TEKT5: variants seen among roughly 807,000 people sequenced by gnomAD.
TEKT5 encodes tektin-5.
Under a neutral mutation model 48.7 loss-of-function variants are expected in TEKT5, and 52 were observed. The observed-to-expected ratio is 1.07, with a 90% CI of 0.86 to 1.35. The LOEUF is 1.35. Among genes scored for constraint, TEKT5 ranks in the 40% most tolerant of loss-of-function variants. TEKT5 has a pLI of 0.00. For synonymous variants in TEKT5, 318 were observed against 267.6 expected, an observed-to-expected ratio of 1.19 and a Z score of -1.84; for missense variants, 831 against 641.6, an observed-to-expected ratio of 1.30 and a Z score of -3.19.
In TEKT5 at chr16:10,682,102, C is replaced by T. The variant is rs764380475; in HGVS notation, c.754G>A (p.Asp252Asn). Reference protein sequence around the residue: ...NRDAQHVLERDLEDKSSAQCI... With the variant: ...NRDAQHVLERNLEDKSSAQCI... ...TGGGCCGAGCTTTTGTCTTCGAGGTCCCTCTCCAGCACGTGCTGAGCATCC... is the reference window on the plus strand; with the variant it reads ...TGGGCCGAGCTTTTGTCTTCGAGGTTCCTCTCCAGCACGTGCTGAGCATCC... Residue 252 changes from aspartate to asparagine, a missense_variant, in exon 4 of 7, where the codon GAC (aspartate) becomes AAC (asparagine). Asp to Asn is a conservative substitution (Grantham distance 23). Transcript: ENST00000283025. The T allele has an allele frequency of 1.2e-6, 2 of 1,613,976 alleles. No individual in the cohort carries two copies. Among genetic ancestry groups the T allele is most frequent in the Admixed American group, 3.3e-5 (2 of 59,996 alleles).
chr16:10,670,408 A>G (rs968340754), intron 5 of TEKT5, among the ~76,000 whole-genome samples: 2 of 152,080 alleles, frequency 1.3e-5, no homozygotes, highest in African/African-American at 4.8e-5. Flanking sequence ...CTGCCCAGCT[A>G]CTCAGGAGGC....
chr16:10,632,523 T>C (rs1411653857), intron 6 of TEKT5, among the ~76,000 whole-genome samples: 3 of 152,142 alleles, frequency 2.0e-5, no homozygotes, highest in Admixed American at 2.0e-4. Context: ...CTCGAACTCC[T>C]GGCCTCATGT....
intron 1 of TEKT5, 44 bp downstream of exon 1, chr16:10,694,266 T>C: frequency 6.6e-7 from 1 of 1,506,122 alleles, no homozygotes; most frequent in Non-Finnish European, 8.9e-7. Flanking sequence ...GCGTGCAGTA[T>C]CCCCAGGACA....
chr16:10,689,941 C>A lies in TEKT5; in HGVS notation c.648+1G>T. ...CTGGGCAGAACCAGGAGATGCCTTA[C>A]CCGGATAAGGTTTTTCTCCACGTTG... is the stretch of plus-strand genomic sequence containing the variant. On this transcript the variant is annotated splice_donor_variant, in intron 2 of 6. Coordinates refer to ENST00000283025, the MANE Select transcript of TEKT5 (RefSeq NM_144674.2). LOFTEE classifies it high-confidence loss of function. The A allele has an allele frequency of 6.2e-7, 1 of 1,614,004 alleles. No individual in the cohort carries two copies. Among genetic ancestry groups the A allele is most frequent in the Non-Finnish European group, 8.5e-7 (1 of 1,179,978 alleles).
chr16:10,655,563 C>T (rs1161553701), intron 5 of TEKT5, among the ~76,000 whole-genome samples: 1 of 152,212 alleles, frequency 6.6e-6, no homozygotes, highest in Non-Finnish European at 1.5e-5. Flanking sequence ...TCCTCTTAAC[C>T]TGTGGAACAC....
At chr16:10,652,836 G>GACACACACAC (rs572998899) in intron 5 of TEKT5, among the ~76,000 whole-genome samples, 19 of 19,656 alleles carry the variant, frequency 9.7e-4, no homozygotes, top group African/African-American at 3.6e-3. Flanking sequence ...TACACAGGCA[G>GACACACACAC]ACACACACAC....
intron 4 of TEKT5, among the ~76,000 whole-genome samples, chr16:10,679,792 G>A (rs556175206): frequency 3.9e-5 from 6 of 152,288 alleles, no homozygotes; most frequent in African/African-American, 1.4e-4. Context: ...AGCTACTCAG[G>A]AGGCTGAGGC....
intron 5 of TEKT5, among the ~76,000 whole-genome samples, chr16:10,636,856 G>A (rs34535675): frequency 0.048 from 6,979 of 146,634 alleles, 319 homozygotes; most frequent in East Asian, 0.24. Flanking sequence ...TCGCTCTGTC[G>A]CCCAGGCTGG....
chr16:10,680,950 G>C (rs551246662), intron 4 of TEKT5, among the ~76,000 whole-genome samples: 3 of 148,558 alleles, frequency 2.0e-5, no homozygotes, highest in African/African-American at 7.4e-5. Context: ...CATGGCACAT[G>C]TATACATATG....
chr16:10,652,451 AACACAC>A (rs572277672), intron 5 of TEKT5, among the ~76,000 whole-genome samples: 1,808 of 66,700 alleles, frequency 0.027, 27 homozygotes, highest in Middle Eastern at 0.053. Context: ...TACACAGGCA[AACACAC>A]ACACACACAC....
At position 10,682,113 on chromosome 16, in the gene TEKT5, A is replaced by T. The variant is rs1375273325; in HGVS notation, c.743T>A (p.Val248Glu). The change falls in exon 4 of 7, where the codon GTG (valine) becomes GAG (glutamate). Residue 248 changes from valine (V) to glutamate (E), a missense_variant. Val to Glu is a moderately radical substitution (Grantham distance 121, BLOSUM62 -2). Transcript: ENST00000283025. The stretch of plus-strand genomic sequence containing the variant: ...TTTGTCTTCGAGGTCCCTCTCCAGC[A>T]CGTGCTGAGCATCCCGGTTATCCCT... ...QMRDNRDAQHVLERDLEDKSS... is the reference protein window; with the variant it reads ...QMRDNRDAQHELERDLEDKSS... The T allele has an allele frequency of 6.2e-7, 1 of 1,614,086 alleles. No individual in the cohort carries two copies. Among genetic ancestry groups the T allele is most frequent in the Non-Finnish European group, 8.5e-7 (1 of 1,180,008 alleles).
intron 3 of TEKT5, among the ~76,000 whole-genome samples, chr16:10,682,659 C>G (rs1482114879): frequency 6.6e-6 from 1 of 152,188 alleles, no homozygotes; most frequent in Non-Finnish European, 1.5e-5. Flanking sequence ...GATGGGTAAG[C>G]ACTTACCGTA....
In TEKT5 at chr16:10,627,789, C is replaced by T. The variant is rs765195831; in HGVS notation, c.1252G>A (p.Glu418Lys). 3.1e-6 allele frequency: 5 copies of T among 1,613,690 alleles called. No homozygotes were observed. Among genetic ancestry groups the T allele is most frequent in the African/African-American group, 1.3e-5 (1 of 75,040 alleles). The change falls in exon 7 of 7, where the codon GAG (glutamate) becomes AAG (lysine). Residue 418 changes from glutamate to lysine, a missense_variant. Glu to Lys is a moderately conservative substitution (Grantham distance 56, BLOSUM62 1). Transcript: ENST00000283025. Reference protein sequence around the residue: ...RDIPQLKLVNEVFTIDDTLQT... With the variant: ...RDIPQLKLVNKVFTIDDTLQT... ...AGGGTGTCGTCGATGGTGAACACCT[C>T]GTTCACCAGCCTGGGGTGAGGGCAG...
intron 5 of TEKT5, among the ~76,000 whole-genome samples, chr16:10,650,133 G>A (rs1898131283): frequency 6.6e-6 from 1 of 151,850 alleles, no homozygotes; most frequent in Admixed American, 6.6e-5. Context: ...GTGCAGTGGC[G>A]CAATCTCGGC....
In TEKT5 at chr16:10,629,947, T is replaced by C. The variant is rs74007172; in HGVS notation, c.1242-2148A>G. ...TTCCGAGGGGAGGACTTTTTTTCTT[T>C]TTTCTTTTTGAGACAGAGTCTCACT... is the stretch of plus-strand genomic sequence containing the variant. On this transcript the variant is annotated intron_variant, in intron 6 of 6. Transcript: ENST00000283025. 6.2e-3 allele frequency among the ~76,000 whole-genome samples: 947 copies of C among 152,160 alleles called. 10 individuals carry two copies. The highest frequency in any genetic ancestry group is 0.021 in the African/African-American group (884 of 41,506).
In TEKT5 at chr16:10,627,809, G is replaced by A. The variant is rs543142173; in HGVS notation, c.1242-10C>T. 6.2e-7 allele frequency: 1 copy of A among 1,612,454 alleles called. No homozygotes were observed. The highest frequency in any genetic ancestry group is 1.3e-5 in the African/African-American group (1 of 75,034). ...CACCTCGTTCACCAGCCTGGGGTGA[G>A]GGCAGAGGAGAAGGCACAGGTTATT... On this transcript the variant is annotated splice_polypyrimidine_tract_variant and intron_variant, in intron 6 of 6. Coordinates refer to ENST00000283025, the MANE Select transcript of TEKT5 (RefSeq NM_144674.2).
rs2541492 is a variant in TEKT5, at chr16:10,688,401, G to C, written c.719+852C>G. Among the ~76,000 whole-genome samples, 273 of 152,376 alleles carry C rather than the reference G, an allele frequency of 1.8e-3. 1 individual carries two copies. The highest frequency in any genetic ancestry group is 6.4e-3 in the African/African-American group (265 of 41,590). ...TGGGTTCTGGGGCACAGCAAACCAA[G>C]ATATGTGCTCCCAGGGCTGATTTGG... On this transcript the variant is annotated intron_variant, in intron 3 of 6. Transcript: ENST00000283025.
intron 3 of TEKT5, among the ~76,000 whole-genome samples, chr16:10,686,561 C>T (rs1440505470): frequency 1.3e-5 from 2 of 151,890 alleles, no homozygotes; most frequent in Non-Finnish European, 2.9e-5. Flanking sequence ...GTCTGGACAA[C>T]GACCCCAATA....
intron 3 of TEKT5, among the ~76,000 whole-genome samples, chr16:10,685,486 G>A (rs970256073): frequency 6.6e-5 from 10 of 152,026 alleles, no homozygotes; most frequent in South Asian, 2.1e-4. Context: ...TAGTAGAGAC[G>A]GGGTTTCACC....
Sources: allele counts gnomAD v4.1 joint callset (sites outside exome capture counted in the v4.1 genomes callset), GRCh38; gene constraint gnomAD v4.1.1; transcripts MANE v1.5; gene names NCBI Gene and HGNC (gene_info 2026-07-23, HGNC 2026-07-21).